CREB5: variants seen among roughly 807,000 people sequenced by gnomAD.
CREB5 encodes cyclic AMP-responsive element-binding protein 5.
In CREB5, 19 loss-of-function variants were observed where a neutral mutation model predicts 57.1. That is an observed-to-expected ratio of 0.33 (90% CI 0.23 to 0.49). CREB5 has a LOEUF of 0.49. CREB5 is among the 20% of genes least tolerant of loss of function. The pLI is 0.99. For missense variants in CREB5, 579 were observed against 671.6 expected, an observed-to-expected ratio of 0.86 and a Z score of 1.52; for synonymous variants, 238 against 238.3, an observed-to-expected ratio of 1.00 and a Z score of 0.01.
intron 5 of CREB5, among the ~76,000 whole-genome samples, chr7:28,579,323 G>A (rs1236491708): frequency 1.3e-5 from 2 of 152,176 alleles, no homozygotes; most frequent in Non-Finnish European, 2.9e-5. Flanking sequence ...ACATTTAGCA[G>A]GTAGTCTAGT....
intron 5 of CREB5, among the ~76,000 whole-genome samples, chr7:28,708,566 A>T (rs138268465): frequency 2.4e-4 from 36 of 152,360 alleles, no homozygotes; most frequent in African/African-American, 8.2e-4. Context: ...GAGGCACGGG[A>T]TAAGCAGAGG....
intron 5 of CREB5, among the ~76,000 whole-genome samples, chr7:28,651,431 T>G (rs1413194988): frequency 6.7e-6 from 1 of 150,062 alleles, no homozygotes; most frequent in Admixed American, 6.7e-5. Flanking sequence ...TAAATGAACT[T>G]GAAACACAGG....
intron 1 of CREB5, among the ~76,000 whole-genome samples, chr7:28,479,942 G>A (rs1358181043): frequency 6.6e-6 from 1 of 152,004 alleles, no homozygotes; most frequent in Admixed American, 6.6e-5. Context: ...TTTTGAGTAT[G>A]ACTTCAGCCC....
chr7:28,674,554 T>G (rs1800228294), intron 5 of CREB5, among the ~76,000 whole-genome samples: 1 of 152,236 alleles, frequency 6.6e-6, no homozygotes, highest in Non-Finnish European at 1.5e-5. Flanking sequence ...TTGATTCCCA[T>G]TGGATGTCTT....
intron 7 of CREB5, among the ~76,000 whole-genome samples, chr7:28,774,440 G>GTCC (rs1397712239): frequency 1.3e-5 from 2 of 152,190 alleles, no homozygotes; most frequent in Non-Finnish European, 2.9e-5. Context: ...AGGCAAACTT[G>GTCC]TCCTCAGCTT....
intron 5 of CREB5, among the ~76,000 whole-genome samples, chr7:28,599,693 T>G (rs1272661546): frequency 6.6e-6 from 1 of 152,200 alleles, no homozygotes; most frequent in Non-Finnish European, 1.5e-5. Context: ...ATGAGTAACT[T>G]TAGTCCTGAA....
At chr7:28,603,150 A>G (rs1251297789) in intron 5 of CREB5, among the ~76,000 whole-genome samples, 1 of 152,226 alleles carries the variant, frequency 6.6e-6, no homozygotes, top group Admixed American at 6.5e-5. Context: ...GGCACTCATG[A>G]TAATCACTCA....
chr7:28,614,223 T>C (rs1461234008), intron 5 of CREB5, among the ~76,000 whole-genome samples: 1 of 152,190 alleles, frequency 6.6e-6, no homozygotes. Context: ...CCCCCTGAAG[T>C]GTTGGGATTA....
intron 5 of CREB5, among the ~76,000 whole-genome samples, chr7:28,642,118 T>G (rs544005353): frequency 6.6e-6 from 1 of 152,378 alleles, no homozygotes; most frequent in African/African-American, 2.4e-5. Context: ...CTTTGTTGCC[T>G]TTGTTTTAAG....
At chr7:28,636,358 A>G (rs891165809) in intron 5 of CREB5, among the ~76,000 whole-genome samples, 6 of 152,172 alleles carry the variant, frequency 3.9e-5, no homozygotes, top group South Asian at 2.1e-4. Flanking sequence ...ATCATCACAC[A>G]TGAAAAGATT....
chr7:28,804,571 A>G, intron 8 of CREB5, 49 bp downstream of exon 8: 1 of 1,586,942 alleles, frequency 6.3e-7, no homozygotes, highest in Non-Finnish European at 8.6e-7. Flanking sequence ...CCTTCTTAAC[A>G]GTGCAAGCTC....
intron 1 of CREB5, among the ~76,000 whole-genome samples, chr7:28,448,544 T>G (rs1193195309): frequency 2.6e-5 from 4 of 152,212 alleles, no homozygotes; most frequent in Admixed American, 2.6e-4. Context: ...GCTGGTGGGC[T>G]TGGCTGTTGG....
chr7:28,796,825 T>G (rs777724075), intron 7 of CREB5, among the ~76,000 whole-genome samples: 3 of 152,214 alleles, frequency 2.0e-5, no homozygotes, highest in Non-Finnish European at 4.4e-5. Context: ...CTAAGTGGTT[T>G]ACTTCTCTAA....
At chr7:28,457,587 C>T (rs936779202) in intron 1 of CREB5, among the ~76,000 whole-genome samples, 2 of 151,986 alleles carry the variant, frequency 1.3e-5, no homozygotes, top group Non-Finnish European at 2.9e-5. Context: ...TGGACAATTC[C>T]AGGGATTGGA....
chr7:28,698,580 C>T (rs978349304), intron 5 of CREB5, among the ~76,000 whole-genome samples: 3 of 152,178 alleles, frequency 2.0e-5, no homozygotes, highest in African/African-American at 7.2e-5. Context: ...TTATTCTAGA[C>T]ATTTGTCTGA....
chr7:28,310,806 A>G (rs1283641441), intron 1 of CREB5, among the ~76,000 whole-genome samples: 1 of 152,244 alleles, frequency 6.6e-6, no homozygotes, highest in East Asian at 1.9e-4. Context: ...TTATGCAGAC[A>G]TTAAAAAGAA....
chr7:28,426,520 A>G (rs1411963229), intron 1 of CREB5, among the ~76,000 whole-genome samples: 1 of 152,180 alleles, frequency 6.6e-6, no homozygotes, highest in Non-Finnish European at 1.5e-5. Flanking sequence ...CCTCTCTGGC[A>G]TGTTCTTCCC....
In CREB5 at chr7:28,724,305, C is replaced by T. The variant is rs765357211; in HGVS notation, c.675C>T (p.Val225=). The T allele has an allele frequency of 2.5e-6, 4 of 1,613,726 alleles. No individual in the cohort carries two copies. Among genetic ancestry groups the T allele is most frequent in the Non-Finnish European group, 3.4e-6 (4 of 1,179,772 alleles). Residue 225 remains valine (V), a synonymous_variant, in exon 7 of 11, where the codon GTC becomes GTT. Transcript: ENST00000357727. ...NLSNPCASPQ[V]QPMHSEAKMR... ...GCAACCCCTGTGCTTCTCCCCAGGT[C>T]CAGCCAATGCATTCAGAAGCCAAAA... is the stretch of plus-strand genomic sequence containing the variant.
At chr7:28,601,675 A>G (rs1002140079) in intron 5 of CREB5, among the ~76,000 whole-genome samples, 3 of 152,242 alleles carry the variant, frequency 2.0e-5, no homozygotes, top group African/African-American at 7.2e-5. Context: ...AAGAGGAAAG[A>G]CAGAATTTTA....
Sources: gnomAD v4.1 joint callset for allele counts (sites outside exome capture counted in the v4.1 genomes callset) on GRCh38, gnomAD v4.1.1 for gene constraint, MANE v1.5 for transcripts, NCBI Gene and HGNC (gene_info 2026-07-23, HGNC 2026-07-21) for gene names.